Variants in CATSPERE observed in about 807,000 individuals in gnomAD.
The protein encoded by CATSPERE is cation channel sperm-associated auxiliary subunit epsilon.
A neutral mutation model predicts 114.1 loss-of-function variants in CATSPERE; 93 were observed. The observed-to-expected ratio is 0.81, with a 90% CI of 0.69 to 0.97. The LOEUF (loss-of-function observed/expected upper bound fraction) is 0.97, where lower values mean the gene tolerates loss of function less well. CATSPERE is among the 50% of genes least tolerant of loss of function. CATSPERE has a pLI of 0.00. For synonymous variants in CATSPERE, 341 were observed against 384.1 expected (o/e 0.89, Z 1.31); for missense variants, 1,058 against 1,131.6 (o/e 0.93, Z 0.93).
At chr1:244,546,621 A>G (rs1165812608) in intron 8 of CATSPERE, among the ~76,000 whole-genome samples, 5 of 152,236 alleles carry the variant, frequency 3.3e-5, no homozygotes, top group African/African-American at 1.2e-4. Context: ...ACATGATCAG[A>G]ATGATAAATT....
intron 10 of CATSPERE, among the ~76,000 whole-genome samples, chr1:244,565,099 G>A (rs754880985): frequency 1.4e-4 from 22 of 152,108 alleles, no homozygotes; most frequent in African/African-American, 4.1e-4. Flanking sequence ...AGATGAAGCC[G>A]ACTTGATCGT....
rs543455498 is a variant in CATSPERE at position 244,522,944 on chromosome 1, C to T, written c.536+4246C>T. Among the ~76,000 whole-genome samples the T allele has an allele frequency of 1.1e-4, 16 of 152,140 alleles. 1 individual carries two copies. The highest frequency in any genetic ancestry group is 3.6e-4 in the African/African-American group (15 of 41,466). ...GGTACCATTCCTTCTGAAACTATTC[C>T]AATCAGTAGAAAAAGAGGGAATCCT... is the stretch of plus-strand genomic sequence containing the variant. On this transcript the variant is annotated intron_variant, in intron 8 of 21. Coordinates refer to ENST00000366534, the MANE Select transcript of CATSPERE (RefSeq NM_001130957.2).
At position 244,461,546 on chromosome 1, in the gene CATSPERE, G is replaced by T. The variant is rs188992451; in HGVS notation, c.65+52G>T. The T allele has an allele frequency of 4.6e-5, 58 of 1,253,080 alleles. No individual in the cohort carries two copies. The Admixed American group carries it at 2.1e-3, about 46-fold the overall frequency. The allele number at this position is 1,253,080 out of a possible 1,614,324, so 77.6% of individuals were successfully genotyped here. A position where few individuals can be genotyped will look rare whatever the true frequency, so the allele number is the denominator to read the frequency against. The stretch of plus-strand genomic sequence containing the variant: ...CGACTAGGCGGGGATTACCCCCGGC[G>T]GGGCAGGCGGGAGGGTCCTGCTCTC... On this transcript the variant is annotated intron_variant, in intron 1 of 21. Transcript: ENST00000366534.
chr1:244,610,169 C>A, intron 18 of CATSPERE, 71 bp from the exon 19 acceptor site: 2 of 990,994 alleles, frequency 2.0e-6, no homozygotes, highest in South Asian at 1.7e-5. Flanking sequence ...AGCAACAAAA[C>A]ATTAAATACT....
At chr1:244,624,369 C>T (rs1275956374) in intron 20 of CATSPERE, among the ~76,000 whole-genome samples, 1 of 152,156 alleles carries the variant, frequency 6.6e-6, no homozygotes. Context: ...CAGCATTTTA[C>T]CCACAGTGGA....
chr1:244,582,943 AT>A (rs1558538963), intron 12 of CATSPERE, among the ~76,000 whole-genome samples: 370 of 4,260 alleles, frequency 0.087, 17 homozygotes, highest in African/African-American at 0.13. Flanking sequence ...ATATATATAT[AT>A]ATATATATAT....
In CATSPERE at chr1:244,552,341, C is replaced by T. The variant is rs747236803; in HGVS notation, c.556C>T (p.Pro186Ser). Residue 186 changes from proline to serine, a missense_variant, in exon 9 of 22, where the codon CCA (proline) becomes TCA (serine). Coordinates refer to ENST00000366534, the MANE Select transcript of CATSPERE (RefSeq NM_001130957.2). ...TCTTAGGACCTGGCGTATTGTAGTA[C>T]CAATGACAAAAGATGATGCACTAAA... Reference protein sequence around the residue: ...MRRGTWRIVVPMTKDDALKEI... With the variant: ...MRRGTWRIVVSMTKDDALKEI... 6.2e-7 allele frequency: 1 copy of T among 1,610,844 alleles called. No homozygotes were observed. Among genetic ancestry groups the T allele is most frequent in the Non-Finnish European group, 8.5e-7 (1 of 1,178,402 alleles).
chr1:244,603,495 A>G (rs1019970512), intron 17 of CATSPERE, among the ~76,000 whole-genome samples: 2 of 152,200 alleles, frequency 1.3e-5, no homozygotes, highest in African/African-American at 4.8e-5. Context: ...AGCCATGCTT[A>G]TATAGACAAG....
In CATSPERE at chr1:244,498,876, C is replaced by T. The variant is rs113375360; in HGVS notation, c.352-126C>T. The T allele has an allele frequency of 2.0e-3, 1,178 of 579,516 alleles. 14 individuals carry two copies. The highest frequency in any genetic ancestry group is 0.019 in the African/African-American group (996 of 51,766). 35.9% of individuals were successfully genotyped at this position (579,516 alleles called of 1,614,324 possible). A position where few individuals can be genotyped will look rare whatever the true frequency, so the allele number is the denominator to read the frequency against. The stretch of plus-strand genomic sequence containing the variant: ...TTGCACCCCTGCACTCCAGCCTGGG[C>T]GACAGAGCAAGACTCCATCTCAAAA... On this transcript the variant is annotated intron_variant, in intron 6 of 21. Coordinates refer to ENST00000366534, the MANE Select transcript of CATSPERE (RefSeq NM_001130957.2).
chr1:244,527,324 G>T (rs936402179), intron 8 of CATSPERE, among the ~76,000 whole-genome samples: 1 of 152,146 alleles, frequency 6.6e-6, no homozygotes, highest in African/African-American at 2.4e-5. Context: ...CTCTTTCTCA[G>T]GGATGTTCCT....
rs193238893 is a variant in CATSPERE, at chr1:244,558,748, G to A, written c.1030-1920G>A. On this transcript the variant is annotated intron_variant, in intron 9 of 21. Coordinates refer to ENST00000366534, the MANE Select transcript of CATSPERE (RefSeq NM_001130957.2). ...CCTCTCTTCCTCCCCTTCTCCTCCTGCCCACTCTGCACTCCCCTCTCCTTC... is the reference window on the plus strand; with the variant it reads ...CCTCTCTTCCTCCCCTTCTCCTCCTACCCACTCTGCACTCCCCTCTCCTTC... Among the ~76,000 whole-genome samples, 52 of 151,972 alleles carry A rather than the reference G, an allele frequency of 3.4e-4. 1 individual carries two copies. The highest frequency in any genetic ancestry group is 1.2e-3 in the African/African-American group (51 of 41,460).
Position 244,490,452 on chromosome 1 carries a change from T to A in CATSPERE, c.332T>A (p.Phe111Tyr), listed in dbSNP as rs767389127. 2.7e-5 allele frequency: 42 copies of A among 1,542,968 alleles called. No individual in the cohort carries two copies. Among genetic ancestry groups the A allele is most frequent in the Non-Finnish European group, 3.5e-5 (39 of 1,119,056 alleles). Residue 111 changes from phenylalanine (F) to tyrosine (Y), a missense_variant, in exon 6 of 22, where the codon TTC becomes TAC. Phe to Tyr is a conservative substitution (Grantham distance 22, BLOSUM62 3). Transcript: ENST00000366534. ...CFLWYYRVRH[F>Y]FNNFTQLITV... ...TTTCCTCTTTTTCCAAGCAGACATT[T>A]CTTTAACAACTTTACCCAGGTAAAA... is the stretch of plus-strand genomic sequence containing the variant.
Position 244,572,659 on chromosome 1 carries a change from T to C in CATSPERE, c.1837T>C (p.Tyr613His). ...TCTGACAGTTTGGACTCAGATCGTCTATCCAGAAAACACTGGTCTGTATGT... is the reference window on the plus strand; with the variant it reads ...TCTGACAGTTTGGACTCAGATCGTCCATCCAGAAAACACTGGTCTGTATGT... ...EALTVWTQIV[Y>H]PENTGLYVIV... The change falls in exon 11 of 22, where the codon TAT (tyrosine) becomes CAT (histidine). Residue 613 changes from tyrosine (Y) to histidine (H), a missense_variant. Transcript: ENST00000366534. 6.2e-7 allele frequency: 1 copy of C among 1,614,044 alleles called. No individual in the cohort carries two copies. The highest frequency in any genetic ancestry group is 8.5e-7 in the Non-Finnish European group (1 of 1,179,904).
chr1:244,582,782 T>C (rs1666380052), intron 12 of CATSPERE, among the ~76,000 whole-genome samples: 1 of 152,156 alleles, frequency 6.6e-6, no homozygotes, highest in African/African-American at 2.4e-5. Flanking sequence ...TTCTAGGTAT[T>C]TAAAATACAG....
intron 5 of CATSPERE, among the ~76,000 whole-genome samples, chr1:244,488,977 G>T (rs1354605098): frequency 6.6e-6 from 1 of 152,088 alleles, no homozygotes; most frequent in African/African-American, 2.4e-5. Flanking sequence ...TAATGTACTA[G>T]ACACTGCAGT....
At chr1:244,588,091 G>A (rs1348111685) in intron 13 of CATSPERE, among the ~76,000 whole-genome samples, 1 of 151,806 alleles carries the variant, frequency 6.6e-6, no homozygotes, top group Non-Finnish European at 1.5e-5. Context: ...CTACTTGGGA[G>A]GCTGAGGCAG....
At position 244,461,358 on chromosome 1, in the gene CATSPERE, G is replaced by C. The variant is rs938363333; in HGVS notation, c.-72G>C. 5.6e-6 allele frequency: 7 copies of C among 1,253,306 alleles called. No homozygotes were observed. The highest frequency in any genetic ancestry group is 7.1e-6 in the Non-Finnish European group (7 of 983,358). The allele number at this position is 1,253,306 out of a possible 1,614,324, so 77.6% of individuals were successfully genotyped here. A position where few individuals can be genotyped will look rare whatever the true frequency, so the allele number is the denominator to read the frequency against. On this transcript the variant is annotated 5_prime_UTR_variant, in exon 1 of 22. Transcript: ENST00000366534. ...GGCGCCTGCAGCCGCCCGCCGGGCC[G>C]ACGTCCCACGGGAATGCGCGAGGCC... is the stretch of plus-strand genomic sequence containing the variant.
rs535539964 is a variant in CATSPERE, at chr1:244,608,416, G to A, written c.2404-1824G>A. Among the ~76,000 whole-genome samples the A allele has an allele frequency of 5.3e-5, 8 of 151,412 alleles. No homozygotes were observed. The East Asian group carries it at 1.6e-3, about 30-fold the overall frequency. On this transcript the variant is annotated intron_variant, in intron 18 of 21. Transcript: ENST00000366534. ...CCAGGTGTGGTGATGCACACCTGTA[G>A]TCCTAGCTACTCAGGAGGCTGAGGC...
At chr1:244,500,664 G>T (rs1199646204) in intron 7 of CATSPERE, among the ~76,000 whole-genome samples, 4 of 152,058 alleles carry the variant, frequency 2.6e-5, no homozygotes, top group Non-Finnish European at 2.9e-5. Flanking sequence ...TAAATGTGTG[G>T]CGTTATTTCT....
Sources: allele counts gnomAD v4.1 joint callset (sites outside exome capture counted in the v4.1 genomes callset), GRCh38; gene constraint gnomAD v4.1.1; transcripts MANE v1.5; gene names NCBI Gene and HGNC (gene_info 2026-07-23, HGNC 2026-07-21).